ANK3: variants seen among roughly 807,000 people sequenced by gnomAD.
ANK3 encodes ankyrin-3.
Under a neutral mutation model 370.9 loss-of-function variants are expected in ANK3, and 57 were observed. The ratio of observed to expected loss-of-function variants is 0.15; its 90% CI spans 0.12 to 0.19. The LOEUF is 0.19. Ranked by LOEUF, ANK3 falls within the 10% of genes least tolerant of loss-of-function variation. The pLI is 1.00. For missense variants in ANK3, 4,439 were observed against 5,302.1 expected, an observed-to-expected ratio of 0.84 and a Z score of 5.06; for synonymous variants, 1,929 against 1,946.3, an observed-to-expected ratio of 0.99 and a Z score of 0.23.
chr10:60,302,410 T>C (rs1445093967), intron 1 of ANK3, among the ~76,000 whole-genome samples: 1 of 152,150 alleles, frequency 6.6e-6, no homozygotes, highest in Non-Finnish European at 1.5e-5. Context: ...CAACATGATA[T>C]ATTATATCAG....
rs148502166 is a variant in ANK3 at position 60,572,124 on chromosome 10, G to A, written c.96+43062C>T. 2.3e-3 allele frequency among the ~76,000 whole-genome samples: 351 copies of A among 152,102 alleles called. 5 individuals are homozygous for A. The highest frequency in any genetic ancestry group is 0.014 in the Middle Eastern group (4 of 294). ...TAGTAATTATACCCTGTTGATTAAC[G>A]AGCATTCTGTGAAATTTAAAGGAGA... On this transcript the variant is annotated intron_variant, in intron 2 of 43. Coordinates refer to the ANK3 transcript ENST00000373827.
chr10:60,180,603 A>AAC lies in ANK3; in HGVS notation c.2184+725_2184+726insGT, dbSNP rs2096138437. Among the ~76,000 whole-genome samples, 5 of 131,602 alleles carry AAC rather than the reference A, an allele frequency of 3.8e-5. No homozygotes were observed. The South Asian group carries it at 1.2e-3, about 30-fold the overall frequency. The allele number at this position is 131,602 out of a possible 152,430, so 86.3% of individuals were successfully genotyped here. A position where few individuals can be genotyped will look rare whatever the true frequency, so the allele number is the denominator to read the frequency against. The stretch of plus-strand genomic sequence containing the variant: ...GAGTGAGACTCCGTCTCAAAAAAAA[A>AAC]AAAAAAAAAACCAAAAAAAAAACAT... On this transcript the variant is annotated intron_variant, in intron 18 of 43. Coordinates refer to ENST00000280772, the MANE Select transcript of ANK3 (RefSeq NM_020987.5).
At chr10:60,434,861 G>T (rs2064118575) in intron 2 of ANK3, among the ~76,000 whole-genome samples, 1 of 152,158 alleles carries the variant, frequency 6.6e-6, no homozygotes, top group African/African-American at 2.4e-5. Context: ...TTTTATTTTT[G>T]ATTAATGTAA....
chr10:60,630,046 T>A (rs188683646), intron 1 of ANK3, among the ~76,000 whole-genome samples: 3 of 152,296 alleles, frequency 2.0e-5, no homozygotes, highest in African/African-American at 7.2e-5. Context: ...GGGTTCTCAT[T>A]TGCAGGAGGA....
At chr10:60,226,683 C>G (rs1407380872) in intron 8 of ANK3, among the ~76,000 whole-genome samples, 1 of 135,880 alleles carries the variant, frequency 7.4e-6, no homozygotes, top group East Asian at 2.2e-4. Flanking sequence ...TATAGTATAA[C>G]ATAATATACT....
At chr10:60,291,589 G>A (rs568567158) in intron 1 of ANK3, among the ~76,000 whole-genome samples, 31 of 152,126 alleles carry the variant, frequency 2.0e-4, no homozygotes, top group Non-Finnish European at 2.9e-5. Context: ...ATGCACAAAT[G>A]CTTCCACTGC....
chr10:60,632,667 G>A (rs560007788), intron 1 of ANK3, among the ~76,000 whole-genome samples: 4 of 151,978 alleles, frequency 2.6e-5, no homozygotes, highest in Admixed American at 1.3e-4. Flanking sequence ...CAGGAACATC[G>A]CTTGAGCCCA....
intron 2 of ANK3, among the ~76,000 whole-genome samples, chr10:60,472,467 G>T (rs1006435930): frequency 2.6e-5 from 4 of 152,156 alleles, no homozygotes; most frequent in African/African-American, 7.2e-5. Context: ...TCGGATAAAG[G>T]TTTCTGTGAT....
intron 12 of ANK3, among the ~76,000 whole-genome samples, chr10:60,202,534 C>G (rs956606487): frequency 2.0e-5 from 3 of 152,158 alleles, no homozygotes; most frequent in South Asian, 4.1e-4. Flanking sequence ...GTGTATCTTG[C>G]CTTTGAAGTA....
intron 1 of ANK3, among the ~76,000 whole-genome samples, chr10:60,715,726 G>T (rs1055715422): frequency 2.6e-5 from 4 of 152,068 alleles, no homozygotes; most frequent in Non-Finnish European, 5.9e-5. Flanking sequence ...GGTAGGTTTT[G>T]CATATTTGCA....
intron 1 of ANK3, among the ~76,000 whole-genome samples, chr10:60,703,292 G>T (rs1238523875): frequency 1.3e-5 from 2 of 152,268 alleles, no homozygotes; most frequent in Middle Eastern, 6.8e-3. Context: ...GGTTTTTGGG[G>T]TTTTTTAAAT....
chr10:60,569,189 T>G (rs1044837386), intron 2 of ANK3, among the ~76,000 whole-genome samples: 1 of 152,198 alleles, frequency 6.6e-6, no homozygotes, highest in African/African-American at 2.4e-5. Context: ...CAATATGTTA[T>G]CCTGTGTCAT....
intron 10 of ANK3, 29 bp from the exon 11 acceptor site, chr10:60,205,919 T>A: frequency 7.2e-7 from 1 of 1,397,036 alleles, no homozygotes. Context: ...TATACCTGCT[T>A]GACTACATTC....
chr10:60,240,694 T>C (rs544335587), intron 7 of ANK3, among the ~76,000 whole-genome samples: 43 of 152,194 alleles, frequency 2.8e-4, no homozygotes, highest in African/African-American at 1.0e-3. Flanking sequence ...CAGGTTCAAG[T>C]GATTCTGCCA....
intron 38 of ANK3, among the ~76,000 whole-genome samples, chr10:60,066,262 CTT>C (rs2081614977): frequency 6.6e-6 from 1 of 152,242 alleles, no homozygotes; most frequent in African/African-American, 2.4e-5. Context: ...AGGTTTATGG[CTT>C]TTCGTCTGGC....
intron 1 of ANK3, among the ~76,000 whole-genome samples, chr10:60,332,435 C>T (rs12219340): frequency 0.38 from 58,093 of 152,018 alleles, 11,932 homozygotes; most frequent in Middle Eastern, 0.52. Flanking sequence ...TAGGTGTTGG[C>T]GCCACTGTTC....
chr10:60,502,632 A>C (rs2075829275), intron 2 of ANK3, among the ~76,000 whole-genome samples: 1 of 151,336 alleles, frequency 6.6e-6, no homozygotes, highest in South Asian at 2.1e-4. Context: ...GTGCGTGATG[A>C]TTGTGCCTGT....
intron 41 of ANK3, among the ~76,000 whole-genome samples, chr10:60,058,489 A>G (rs1387442660): frequency 6.6e-6 from 1 of 152,214 alleles, no homozygotes. Flanking sequence ...GACTCGTGGA[A>G]AAATAGAAGG....
rs2082739871 is a variant in ANK3, at chr10:60,071,787, C to T, written c.9094G>A (p.Val3032Ile). 1 of 1,606,970 alleles carries T rather than the reference C, an allele frequency of 6.2e-7. No homozygotes were observed. Among genetic ancestry groups the T allele is most frequent in the African/African-American group, 1.3e-5 (1 of 74,554 alleles). Reference protein sequence around the residue: ...ISKVSKHQSYVGLCPPLEETE... With the variant: ...ISKVSKHQSYIGLCPPLEETE... ...TCCTCGAGAGGTGGGCATAAACCTA[C>T]ATAACTCTGGTGTTTGGAAACTTTG... The change falls in exon 37 of 44, where the codon GTA becomes ATA. Residue 3032 changes from valine (V) to isoleucine (I), a missense_variant. By Grantham distance (29) the Val-to-Ile change is conservative (BLOSUM62 3). Around this residue, in one of 13 missense-constraint regions of ANK3, gnomAD observed 1,601 missense variants for 1,731.7 expected, o/e 0.92. Transcript: ENST00000280772.
Sources: allele counts gnomAD v4.1 joint callset (sites outside exome capture counted in the v4.1 genomes callset), GRCh38; gene constraint gnomAD v4.1.1; regional missense constraint gnomAD v4.1.1; transcripts MANE v1.5; gene names NCBI Gene and HGNC (gene_info 2026-07-23, HGNC 2026-07-21).